XDH: variants seen among roughly 807,000 people sequenced by gnomAD.
XDH encodes the protein xanthine dehydrogenase/oxidase.
In XDH, 138 loss-of-function variants were observed where a neutral mutation model predicts 156.1. The observed-to-expected ratio is 0.88, with a 90% CI of 0.77 to 1.02. The LOEUF is 1.02. Among genes scored for constraint, XDH ranks in the 50% least tolerant of loss-of-function variants. The pLI is 0.00. For synonymous variants in XDH, 669 were observed against 625.7 expected, an observed-to-expected ratio of 1.07 and a Z score of -1.03; for missense variants, 1,849 against 1,684.9, an observed-to-expected ratio of 1.10 and a Z score of -1.71.
In XDH at chr2:31,337,695, G is replaced by T. The variant is rs766741406; in HGVS notation, c.3897C>A (p.Ser1299Arg). The change falls in exon 35 of 36, where the codon AGC becomes AGA. Residue 1299 changes from serine (S) to arginine (R), a missense_variant. Transcript: ENST00000379416. ...NNVKELFRLDSPATPEKIRNA... is the reference protein window; with the variant it reads ...NNVKELFRLDRPATPEKIRNA... ...TGCGGATCTTCTCCGGGGTGGCAGG[G>T]CTGTCTAGCCGGAAGAGTTCCTTCA... 6.2e-7 allele frequency: 1 copy of T among 1,614,246 alleles called. No individual in the cohort carries two copies.
At chr2:31,343,735 T>C (rs1429595323) in intron 31 of XDH, among the ~76,000 whole-genome samples, 2 of 149,590 alleles carry the variant, frequency 1.3e-5, no homozygotes, top group African/African-American at 2.4e-5. Context: ...ATTAGCCATA[T>C]ATATGTTCAT....
intron 24 of XDH, among the ~76,000 whole-genome samples, chr2:31,352,534 C>G (rs941209889): frequency 3.9e-5 from 6 of 152,134 alleles, no homozygotes; most frequent in Non-Finnish European, 7.4e-5. Context: ...TTTCTTTTAT[C>G]ATCTACTTCC....
At position 31,403,248 on chromosome 2, in the gene XDH, C is replaced by A. The variant is rs1446476419; in HGVS notation, c.101-104G>T. 42 of 1,240,544 alleles carry A rather than the reference C, an allele frequency of 3.4e-5. No individual in the cohort carries two copies. In the South Asian group the frequency reaches 5.6e-4, roughly 17 times the overall value. The allele number at this position is 1,240,544 out of a possible 1,614,324, so 76.8% of individuals were successfully genotyped here. On this transcript the variant is annotated intron_variant, in intron 2 of 35. Transcript: ENST00000379416. ...GTGGGCAGAGCCATTCATTCCCACA[C>A]GTGCTCAGGCCCCTCAACCAAGGAA...
chr2:31,366,835 T>C, intron 21 of XDH, 35 bp downstream of exon 21: 1 of 1,613,372 alleles, frequency 6.2e-7, no homozygotes, highest in Non-Finnish European at 8.5e-7. Flanking sequence ...CCCGCTACCC[T>C]GACAGCCCCT....
In XDH at chr2:31,365,330, A is replaced by G. The variant is rs1343751332; in HGVS notation, c.2544+127T>C. 7 of 957,214 alleles carry G rather than the reference A, an allele frequency of 7.3e-6. No individual in the cohort carries two copies. In the African/African-American group the frequency reaches 8.1e-5, roughly 11 times the overall value. The allele number at this position is 957,214 out of a possible 1,614,324, so 59.3% of individuals were successfully genotyped here. A position where few individuals can be genotyped will look rare whatever the true frequency, so the allele number is the denominator to read the frequency against. On this transcript the variant is annotated intron_variant, in intron 23 of 35. Transcript: ENST00000379416. ...GCCTATTTGAATTTCTCTTCTTGCT[A>G]TATCTTATTTGAACTTCTACAGATA... is the stretch of plus-strand genomic sequence containing the variant.
Position 31,368,628 on chromosome 2 carries a change from C to G in XDH, c.2013G>C (p.Val671=), listed in dbSNP as rs200635805. ...VTCVGHIIGA[V]VADTPEHTQR... ...GTGTGTGTTCCGGGGTGTCAGCAAC[C>G]ACAGCACCAATGATATGCCCAACAC... Residue 671 remains valine, a synonymous_variant, in exon 19 of 36, where the codon GTG becomes GTC. Coordinates refer to ENST00000379416, the MANE Select transcript of XDH (RefSeq NM_000379.4). 1 of 1,614,184 alleles carries G rather than the reference C, an allele frequency of 6.2e-7. No homozygotes were observed. Among genetic ancestry groups the G allele is most frequent in the Admixed American group, 1.7e-5 (1 of 60,022 alleles).
At position 31,373,857 on chromosome 2, in the gene XDH, C is replaced by A; in HGVS notation, c.1686+16G>T. On this transcript the variant is annotated intron_variant, in intron 16 of 35. Transcript: ENST00000379416. ...GCAAAGTCCCCTGATATTAGCCATA[C>A]ACTGACCGTACTCACTTGGAAGAGC... The A allele has an allele frequency of 6.2e-7, 1 of 1,613,342 alleles. No individual in the cohort carries two copies.
At position 31,346,982 on chromosome 2, in the gene XDH, T is replaced by A. The variant is rs1468420611; in HGVS notation, c.3277-139A>T. 4.6e-6 allele frequency: 5 copies of A among 1,077,406 alleles called. No homozygotes were observed. In the African/African-American group the frequency reaches 7.8e-5, roughly 17 times the overall value. 66.7% of individuals were successfully genotyped at this position (1,077,406 alleles called of 1,614,324 possible). A position where few individuals can be genotyped will look rare whatever the true frequency, so the allele number is the denominator to read the frequency against. On this transcript the variant is annotated intron_variant, in intron 29 of 35. Transcript: ENST00000379416. ...CCACTCAAACAGCCTGGCCACCCAC[T>A]CCAGAATGATCAAGGCCCAGGGTAG...
In XDH at chr2:31,337,826, A is replaced by G. The variant is rs776232681; in HGVS notation, c.3775-9T>C. On this transcript the variant is annotated splice_polypyrimidine_tract_variant and intron_variant, in intron 34 of 35. Transcript: ENST00000379416. ...GGCGGCTCTCCAACAGCCTGAACAC[A>G]GACAGGGCACAGGGCAGGGGCTCAG... 1 of 1,613,852 alleles carries G rather than the reference A, an allele frequency of 6.2e-7. No homozygotes were observed. The highest frequency in any genetic ancestry group is 8.5e-7 in the Non-Finnish European group (1 of 1,179,894).
intron 6 of XDH, among the ~76,000 whole-genome samples, chr2:31,392,855 T>A (rs1341901259): frequency 1.3e-5 from 2 of 152,266 alleles, no homozygotes; most frequent in Non-Finnish European, 2.9e-5. Flanking sequence ...CAAAATATTT[T>A]AAAATTTCCC....
intron 4 of XDH, among the ~76,000 whole-genome samples, chr2:31,400,733 A>C (rs1411182756): frequency 2.0e-5 from 3 of 152,234 alleles, no homozygotes; most frequent in Non-Finnish European, 2.9e-5. Flanking sequence ...CTCCAGTCTA[A>C]TGAAAGAGGA....
chr2:31,376,923 G>T, intron 14 of XDH, 130 bp downstream of exon 14: 1 of 1,193,794 alleles, frequency 8.4e-7, no homozygotes, highest in Non-Finnish European at 1.2e-6. Context: ...AGTAGCAGCA[G>T]TAGCAGTAGT....
In XDH at chr2:31,335,033, CT is replaced by C. The variant is rs1406278574; in HGVS notation, c.*924del. ...TACAGGCATGCACTATCAAGACCAACTAATTAAAAAAATTTTTTTTAAAGAC... is the reference window on the plus strand; with the variant it reads ...TACAGGCATGCACTATCAAGACCAACAATTAAAAAAATTTTTTTTAAAGAC... On this transcript the variant is annotated 3_prime_UTR_variant, in exon 36 of 36. Transcript: ENST00000379416. 1.5e-4 allele frequency: 23 copies of C among 152,182 alleles called. No individual in the cohort carries two copies. The highest frequency in any genetic ancestry group is 5.3e-4 in the African/African-American group (22 of 41,506). The allele number at this position is 152,182 out of a possible 1,614,324, so 9.4% of individuals were successfully genotyped here.
chr2:31,379,666 T>A (rs1334356067), intron 13 of XDH, among the ~76,000 whole-genome samples: 1 of 152,224 alleles, frequency 6.6e-6, no homozygotes, highest in South Asian at 2.1e-4. Flanking sequence ...CCATGCCATG[T>A]GGACTCCTAT....
chr2:31,396,505 TCTA>T (rs1370605442), intron 6 of XDH, among the ~76,000 whole-genome samples: 1 of 152,206 alleles, frequency 6.6e-6, no homozygotes, highest in Non-Finnish European at 1.5e-5. Flanking sequence ...CAGGCATTGT[TCTA>T]AAAGCTTTTC....
At position 31,377,220 on chromosome 2, in the gene XDH, T is replaced by C. The variant is rs527541722; in HGVS notation, c.1260A>G (p.Ala420=). Residue 420 remains alanine (A), a synonymous_variant, in exon 14 of 36, where the codon GCA becomes GCG. Transcript: ENST00000379416. The part of the protein sequence containing the change: ...PYSREGEYFS[A]FKQASRREDD... ...CTTCTCTCCGGGAGGCCTGCTTGAA[T>C]GCTGAGAAATACTCCCCCTAAAAGA... 2 of 1,614,146 alleles carry C rather than the reference T, an allele frequency of 1.2e-6. No individual in the cohort carries two copies. The highest frequency in any genetic ancestry group is 1.7e-6 in the Non-Finnish European group (2 of 1,180,034).
At chr2:31,348,434 T>C in intron 27 of XDH, 71 bp from the exon 28 acceptor site, 2 of 1,443,706 alleles carry the variant, frequency 1.4e-6, no homozygotes, top group Non-Finnish European at 9.7e-7. Flanking sequence ...GGACCAAAGG[T>C]ATGGAGCCCA....
intron 24 of XDH, among the ~76,000 whole-genome samples, chr2:31,361,089 C>G (rs578154068): frequency 6.6e-6 from 1 of 152,260 alleles, no homozygotes; most frequent in African/African-American, 2.4e-5. Flanking sequence ...GAAGTAGTAA[C>G]AAGTAAAGAC....
intron 22 of XDH, 47 bp downstream of exon 22, chr2:31,365,929 A>C: frequency 1.9e-6 from 3 of 1,613,888 alleles, no homozygotes; most frequent in Non-Finnish European, 2.5e-6. Context: ...AGACAGCCTT[A>C]TTCTTCTTCC....
Sources: gnomAD v4.1 joint callset for allele counts (sites outside exome capture counted in the v4.1 genomes callset) on GRCh38, gnomAD v4.1.1 for gene constraint, MANE v1.5 for transcripts, NCBI Gene and HGNC (gene_info 2026-07-23, HGNC 2026-07-21) for gene names.